The following LINGO2 variants were observed in gnomAD, a reference collection of about 807,000 sequenced individuals.
The protein encoded by LINGO2 is leucine-rich repeat and immunoglobulin-like domain-containing nogo receptor-interacting protein 2.
LINGO2 carries 14 observed loss-of-function variants against 30.6 expected under a neutral mutation model. That is an observed-to-expected ratio of 0.46 (90% confidence interval 0.30 to 0.72). The LOEUF (loss-of-function observed/expected upper bound fraction) is 0.72, where lower values mean the gene tolerates loss of function less well. LINGO2 is among the 30% of genes least tolerant of loss of function. LINGO2 has a pLI of 0.07. For synonymous variants in LINGO2, 317 were observed against 288.5 expected, an observed-to-expected ratio of 1.10 and a Z score of -1.00; for missense variants, 729 against 751.7, an observed-to-expected ratio of 0.97 and a Z score of 0.35.
chr9:28,862,749 T>C, the LINGO2 span, among the ~76,000 whole-genome samples: 9 of 152,216 alleles, frequency 5.9e-5, no homozygotes, highest in African/African-American at 1.9e-4. Context: ...AGTCATACCA[T>C]TGAACTTAAA....
At chr9:28,046,370 AC>A (rs111518709) in intron 4 of LINGO2, among the ~76,000 whole-genome samples, 4 of 152,084 alleles carry the variant, frequency 2.6e-5, no homozygotes, top group African/African-American at 9.7e-5. Flanking sequence ...AGACTGGTGG[AC>A]CCCACCCTCA....
intron 4 of LINGO2, among the ~76,000 whole-genome samples, chr9:28,163,640 T>TA (rs1259269135): frequency 6.6e-6 from 1 of 152,016 alleles, no homozygotes; most frequent in African/African-American, 2.4e-5. Flanking sequence ...AAGGCAAAAA[T>TA]AAATAAAAAT....
At chr9:28,387,446 A>G (rs1389027478) in intron 2 of LINGO2, among the ~76,000 whole-genome samples, 1 of 152,230 alleles carries the variant, frequency 6.6e-6, no homozygotes, top group Non-Finnish European at 1.5e-5. Flanking sequence ...AAATAAGTGA[A>G]TAAAAGCTGG....
intron 3 of LINGO2, among the ~76,000 whole-genome samples, chr9:28,302,416 C>T (rs975201881): frequency 6.6e-6 from 1 of 152,226 alleles, no homozygotes; most frequent in South Asian, 2.1e-4. Context: ...CAATGGCTCA[C>T]ACCTTTAATC....
At chr9:28,168,166 C>A (rs1828485125) in intron 4 of LINGO2, among the ~76,000 whole-genome samples, 3 of 152,174 alleles carry the variant, frequency 2.0e-5, no homozygotes, top group African/African-American at 7.2e-5. Context: ...GTGGTGATAA[C>A]ATCATTTGTG....
chr9:28,511,116 C>G (rs547968317), intron 1 of LINGO2, among the ~76,000 whole-genome samples: 59 of 152,198 alleles, frequency 3.9e-4, no homozygotes, highest in African/African-American at 1.3e-3. Flanking sequence ...CAGATACACC[C>G]AGGATCAATA....
At chr9:28,155,420 A>G (rs1031689531) in intron 4 of LINGO2, among the ~76,000 whole-genome samples, 1 of 152,200 alleles carries the variant, frequency 6.6e-6, no homozygotes, top group African/African-American at 2.4e-5. Context: ...CTATTTCCTT[A>G]TGTCTACTCC....
intron 4 of LINGO2, among the ~76,000 whole-genome samples, chr9:28,285,985 C>T (rs1022273975): frequency 4.5e-4 from 68 of 152,236 alleles, no homozygotes; most frequent in African/African-American, 1.6e-3. Flanking sequence ...TGTGAAAGCT[C>T]GTGGAAGAGT....
intron 2 of LINGO2, among the ~76,000 whole-genome samples, chr9:28,451,518 C>G (rs1337264038): frequency 1.3e-5 from 2 of 151,726 alleles, no homozygotes; most frequent in Non-Finnish European, 3.0e-5. Context: ...TACACAAATT[C>G]AGGTGGTTTT....
chr9:28,858,998 T>G, the LINGO2 span, among the ~76,000 whole-genome samples: 1 of 152,028 alleles, frequency 6.6e-6, no homozygotes, highest in African/African-American at 2.4e-5. Context: ...AGCAGAGATT[T>G]AGAAGTTAGG....
At chr9:29,049,008 A>T in the LINGO2 span, among the ~76,000 whole-genome samples, 1 of 152,200 alleles carries the variant, frequency 6.6e-6, no homozygotes, top group African/African-American at 2.4e-5. Context: ...CAAAATAAAC[A>T]ATCAACAGAA....
At chr9:27,950,379 G>T (rs1445142071) in exon 6 of LINGO2, 14 of 1,613,964 alleles carry the variant, frequency 8.7e-6, no homozygotes, top group African/African-American at 1.3e-5. Context: ...GAATGCTCCT[G>T]GTTCCACATT....
At chr9:28,364,504 C>A (rs1820582839) in intron 3 of LINGO2, among the ~76,000 whole-genome samples, 1 of 152,190 alleles carries the variant, frequency 6.6e-6, no homozygotes, top group Admixed American at 6.5e-5. Flanking sequence ...GATGTGGAAT[C>A]TGCCAAGGCA....
chr9:28,321,326 A>G (rs1428611549), intron 3 of LINGO2, among the ~76,000 whole-genome samples: 1 of 152,188 alleles, frequency 6.6e-6, no homozygotes, highest in Non-Finnish European at 1.5e-5. Context: ...CATTCAGCCC[A>G]CAAGATATAA....
At chr9:28,432,468 T>C (rs1823717197) in intron 2 of LINGO2, among the ~76,000 whole-genome samples, 1 of 151,904 alleles carries the variant, frequency 6.6e-6, no homozygotes, top group African/African-American at 2.4e-5. Flanking sequence ...AAGGAACTGA[T>C]GATGGAAAAA....
the LINGO2 span, among the ~76,000 whole-genome samples, chr9:28,714,164 A>AATCTAT: frequency 6.8e-5 from 8 of 117,174 alleles, no homozygotes; most frequent in African/African-American, 2.7e-4. Flanking sequence ...TGCCTCAAAT[A>AATCTAT]ATATATATAT....
the LINGO2 span, among the ~76,000 whole-genome samples, chr9:29,130,285 A>G: frequency 1.3e-5 from 2 of 151,858 alleles, no homozygotes; most frequent in African/African-American, 4.8e-5. Flanking sequence ...TATAATGGTT[A>G]TCTTAAAGAA....
At chr9:28,561,162 T>C (rs1036375234) in intron 1 of LINGO2, among the ~76,000 whole-genome samples, 2 of 152,044 alleles carry the variant, frequency 1.3e-5, no homozygotes, top group African/African-American at 4.8e-5. Flanking sequence ...CTCCTACCAC[T>C]AATTTTCTCT....
chr9:28,356,672 C>T (rs1457624269), intron 3 of LINGO2, among the ~76,000 whole-genome samples: 1 of 152,078 alleles, frequency 6.6e-6, no homozygotes, highest in Admixed American at 6.6e-5. Flanking sequence ...CTGAATTATC[C>T]CTTTTACCAT....
Sources: gnomAD v4.1 joint callset for allele counts (sites outside exome capture counted in the v4.1 genomes callset) on GRCh38, gnomAD v4.1.1 for gene constraint, MANE v1.5 for transcripts, NCBI Gene and HGNC (gene_info 2026-07-23, HGNC 2026-07-21) for gene names.